Variants in OSBPL10 observed in about 807,000 individuals in gnomAD.
The protein encoded by OSBPL10 is oxysterol binding protein like 10, also known as oxysterol-binding protein-related protein 10.
Under a neutral mutation model 81.7 loss-of-function variants are expected in OSBPL10, and 49 were observed. That is an observed-to-expected ratio of 0.60 (90% CI 0.48 to 0.76). The LOEUF is 0.76. Ranked by LOEUF, OSBPL10 falls within the 30% of genes least tolerant of loss-of-function variation. The pLI is 0.00. For synonymous variants in OSBPL10, 419 were observed against 383.6 expected (o/e 1.09, Z -1.08); for missense variants, 923 against 987.8 (o/e 0.93, Z 0.88).
chr3:31,928,528 A>T lies in OSBPL10; in HGVS notation c.282-48698T>A, dbSNP rs1449143740. Among the ~76,000 whole-genome samples, 8 of 125,924 alleles carry T rather than the reference A, an allele frequency of 6.4e-5. No homozygotes were observed. The East Asian group carries it at 2.3e-3, about 36-fold the overall frequency. 82.6% of individuals were successfully genotyped at this position (125,924 alleles called of 152,430 possible). A position where few individuals can be genotyped will look rare whatever the true frequency, so the allele number is the denominator to read the frequency against. On this transcript the variant is annotated intron_variant, in intron 1 of 11. Coordinates refer to ENST00000396556, the MANE Select transcript of OSBPL10 (RefSeq NM_017784.5). ...AGCGGCTCCTGCCTGTAATCCCAGCACTTTGGGAGGCCGAGGCAGGCGGGT... is the reference window on the plus strand; with the variant it reads ...AGCGGCTCCTGCCTGTAATCCCAGCTCTTTGGGAGGCCGAGGCAGGCGGGT...
At chr3:31,797,834 G>A (rs544218536) in intron 4 of OSBPL10, 3 of 455,640 alleles carry the variant, frequency 6.6e-6, no homozygotes, top group South Asian at 4.7e-5. Context: ...GAGCATACAA[G>A]CCTTCACCTA....
chr3:31,670,774 G>C, intron 9 of OSBPL10, 23 bp downstream of exon 9: 1 of 1,600,836 alleles, frequency 6.2e-7, no homozygotes, highest in Non-Finnish European at 8.5e-7. Context: ...GACAAAGCCA[G>C]AGTCTCTCCG....
intron 11 of OSBPL10, 82 bp downstream of exon 11, chr3:31,663,997 G>A: frequency 1.9e-6 from 3 of 1,613,452 alleles, no homozygotes; most frequent in Non-Finnish European, 2.5e-6. Flanking sequence ...CCAGTCTTGG[G>A]GGCTCAGCAA....
intron 4 of OSBPL10, among the ~76,000 whole-genome samples, chr3:31,825,327 G>T (rs1218424658): frequency 3.9e-5 from 6 of 152,104 alleles, no homozygotes; most frequent in Non-Finnish European, 4.4e-5. Context: ...TCCAGTCCAA[G>T]AATTTTTTTT....
At position 31,783,146 on chromosome 3, in the gene OSBPL10, T is replaced by TATACACAC. The variant is rs1485968747; in HGVS notation, c.730-35027_730-35026insGTGTGTAT. Among the ~76,000 whole-genome samples, 67 of 112,998 alleles carry TATACACAC rather than the reference T, an allele frequency of 5.9e-4. 3 individuals are homozygous for TATACACAC. Among genetic ancestry groups the TATACACAC allele is most frequent in the South Asian group, 5.6e-3 (20 of 3,566 alleles). 74.1% of individuals were successfully genotyped at this position (112,998 alleles called of 152,430 possible). A position where few individuals can be genotyped will look rare whatever the true frequency, so the allele number is the denominator to read the frequency against. On this transcript the variant is annotated intron_variant, in intron 4 of 11. Coordinates refer to ENST00000396556, the MANE Select transcript of OSBPL10 (RefSeq NM_017784.5). ...ATATATATATATATATATATATATA[T>TATACACAC]ACACACACACCATAGAATACTACTC...
At chr3:31,814,699 C>T (rs369614035) in intron 4 of OSBPL10, among the ~76,000 whole-genome samples, 2 of 152,270 alleles carry the variant, frequency 1.3e-5, no homozygotes, top group Admixed American at 6.5e-5. Flanking sequence ...ATTCTAGCCT[C>T]AATAACTGTG....
At chr3:31,716,529 A>G (rs1315516005) in intron 6 of OSBPL10, among the ~76,000 whole-genome samples, 2 of 152,190 alleles carry the variant, frequency 1.3e-5, no homozygotes, top group Admixed American at 1.3e-4. Flanking sequence ...CATGGGGGCT[A>G]TGAGGAACAG....
chr3:31,990,096 G>A (rs1468177217), intron 2 of OSBPL10: 2 of 1,611,600 alleles, frequency 1.2e-6, no homozygotes, highest in African/African-American at 2.7e-5. Flanking sequence ...ATACTGGAGA[G>A]AAACCATACA....
chr3:31,717,320 A>T (rs142933453), intron 6 of OSBPL10, among the ~76,000 whole-genome samples: 12 of 152,284 alleles, frequency 7.9e-5, no homozygotes, highest in African/African-American at 2.9e-4. Context: ...CAAACCAGTG[A>T]TTTGGTACCA....
At chr3:31,786,847 G>C (rs779543835) in intron 4 of OSBPL10, among the ~76,000 whole-genome samples, 10 of 152,196 alleles carry the variant, frequency 6.6e-5, no homozygotes, top group Non-Finnish European at 1.3e-4. Flanking sequence ...CTACGAGCTA[G>C]ACTTTTGTAG....
At chr3:31,829,985 G>A in intron 4 of OSBPL10, 55 bp downstream of exon 4, 1 of 1,512,642 alleles carries the variant, frequency 6.6e-7, no homozygotes, top group South Asian at 1.3e-5. Flanking sequence ...CAGAGCGACT[G>A]TCACAGCCCC....
At chr3:31,874,741 C>A (rs375747019) in intron 3 of OSBPL10, among the ~76,000 whole-genome samples, 2 of 152,220 alleles carry the variant, frequency 1.3e-5, no homozygotes, top group Non-Finnish European at 2.9e-5. Context: ...CAAACTCTTA[C>A]AGAACTGGTG....
chr3:32,029,269 G>A (rs191149074), intron 2 of OSBPL10, among the ~76,000 whole-genome samples: 1 of 152,142 alleles, frequency 6.6e-6, no homozygotes, highest in African/African-American at 2.4e-5. Flanking sequence ...TCTTCCAAGT[G>A]TACTTTCCTT....
At chr3:31,982,440 A>T (rs1010074672), upstream of OSBPL10, among the ~76,000 whole-genome samples, 2 of 152,184 alleles carry the variant, frequency 1.3e-5, no homozygotes, top group African/African-American at 4.8e-5. Context: ...TCAAGCAGAT[A>T]AATACTTCAA....
At chr3:31,686,823 T>G (rs1330668710) in intron 7 of OSBPL10, among the ~76,000 whole-genome samples, 1 of 152,164 alleles carries the variant, frequency 6.6e-6, no homozygotes, top group African/African-American at 2.4e-5. Flanking sequence ...ACCATCACTG[T>G]GCTCTCTGGG....
At chr3:32,017,801 A>G (rs1490098320) in intron 2 of OSBPL10, among the ~76,000 whole-genome samples, 2 of 152,216 alleles carry the variant, frequency 1.3e-5, no homozygotes, top group Non-Finnish European at 2.9e-5. Context: ...TTAAGTTTCT[A>G]TAATCCCAGG....
intron 1 of OSBPL10, among the ~76,000 whole-genome samples, chr3:31,945,714 G>C (rs933713254): frequency 6.6e-6 from 1 of 152,126 alleles, no homozygotes. Context: ...CCAAAGCAGA[G>C]GTCAGCAGCC....
At chr3:31,716,240 T>G (rs1696428927) in intron 6 of OSBPL10, among the ~76,000 whole-genome samples, 1 of 152,224 alleles carries the variant, frequency 6.6e-6, no homozygotes, top group Non-Finnish European at 1.5e-5. Flanking sequence ...AACTTATACT[T>G]GGTACAATAT....
intron 2 of OSBPL10, among the ~76,000 whole-genome samples, chr3:32,010,456 G>T (rs1575084988): frequency 6.6e-6 from 1 of 152,130 alleles, no homozygotes; most frequent in Non-Finnish European, 1.5e-5. Context: ...AGTTAAAAGG[G>T]GGGGCAGTTC....
Sources: allele counts gnomAD v4.1 joint callset (sites outside exome capture counted in the v4.1 genomes callset), GRCh38; gene constraint gnomAD v4.1.1; transcripts MANE v1.5; gene names NCBI Gene and HGNC (gene_info 2026-07-23, HGNC 2026-07-21).